Variants in LINC00632 observed in about 807,000 individuals in gnomAD.
LINC00632 encodes the protein long independently transcribed non-coding RNA 632, also known as ALDOA related specific transcript.
In LINC00632 at chrX:140,786,982, T is replaced by C. The variant is rs147587845; in HGVS notation, n.15001T>C. 1.3e-3 allele frequency among the ~76,000 whole-genome samples: 148 copies of C among 110,503 alleles called. 1 individual carries two copies. The East Asian group carries it at 0.019, about 14-fold the overall frequency. On this transcript the variant is annotated non_coding_transcript_exon_variant, in exon 5 of 5. Transcript: ENST00000648200. ...AGTAAATGTATTGGGGACTGTAAAC[T>C]AATTATTACTGGATGGGTTGCATTA...
chrX:140,784,786 C>A (rs1255201324), exon 5 of LINC00632: 4 of 159,490 alleles, frequency 2.5e-5, no homozygotes, highest in Non-Finnish European at 5.2e-5. Context: ...TCTTCCAACT[C>A]AACTATTTCT....
intron 3 of LINC00632, among the ~76,000 whole-genome samples, chrX:140,744,765 T>C (rs1445739551): frequency 9.1e-6 from 1 of 110,312 alleles, no homozygotes; most frequent in Non-Finnish European, 1.9e-5. Flanking sequence ...AGACTGGGTT[T>C]CACCATATTG....
At chrX:140,740,663 C>T (rs1931211093) in intron 3 of LINC00632, among the ~76,000 whole-genome samples, 1 of 110,625 alleles carries the variant, frequency 9.0e-6, no homozygotes, top group Non-Finnish European at 1.9e-5. Context: ...GCAAGGCCAA[C>T]TTCATGAGCA....
chrX:140,710,192 T>A (rs920657131), intron 1 of LINC00632, among the ~76,000 whole-genome samples: 9 of 112,539 alleles, frequency 8.0e-5, no homozygotes, highest in Non-Finnish European at 1.7e-4. Flanking sequence ...ACCTGGTTTA[T>A]TTTCTCAGTG....
chrX:140,734,136 C>G (rs1304857642), intron 3 of LINC00632, among the ~76,000 whole-genome samples: 1 of 112,025 alleles, frequency 8.9e-6, no homozygotes, highest in Non-Finnish European at 1.9e-5. Context: ...TTCTCTCTAA[C>G]TTTTCCCCCT....
chrX:140,715,214 C>T (rs1280762384), intron 2 of LINC00632, among the ~76,000 whole-genome samples: 2 of 111,711 alleles, frequency 1.8e-5, no homozygotes, highest in African/African-American at 6.5e-5. Context: ...CAACCCACAG[C>T]GTACAAACAC....
chrX:140,767,010 C>T (rs1931703086), intron 3 of LINC00632, among the ~76,000 whole-genome samples: 1 of 111,780 alleles, frequency 8.9e-6, no homozygotes, highest in South Asian at 3.7e-4. Flanking sequence ...TATTATCATA[C>T]ATCTTTTCTA....
intron 3 of LINC00632, among the ~76,000 whole-genome samples, chrX:140,758,964 C>CTTTTTTT (rs146312064): frequency 1.3e-5 from 1 of 78,939 alleles, no homozygotes; most frequent in Non-Finnish European, 2.4e-5. Flanking sequence ...CTTTTCTTTT[C>CTTTTTTT]TTTTTTTTTT....
intron 3 of LINC00632, among the ~76,000 whole-genome samples, chrX:140,755,850 T>G (rs1271468096): frequency 9.0e-6 from 1 of 111,086 alleles, no homozygotes; most frequent in Non-Finnish European, 1.9e-5. Context: ...TTTGCAGAGA[T>G]AGAGATATTT....
exon 5 of LINC00632, chrX:140,783,390 A>G: frequency 2.1e-6 from 1 of 465,477 alleles, no homozygotes; most frequent in Admixed American, 4.2e-5. Context: ...GTCTTCCAGC[A>G]ATTACTGGTC....
chrX:140,750,035 A>G (rs746373420), intron 3 of LINC00632, among the ~76,000 whole-genome samples: 238 of 110,841 alleles, frequency 2.1e-3, no homozygotes, highest in African/African-American at 7.5e-3. Flanking sequence ...AAGTCCATCA[A>G]TGAATGAATA....
chrX:140,790,121 T>A (rs1269161527), exon 5 of LINC00632, among the ~76,000 whole-genome samples: 2 of 111,505 alleles, frequency 1.8e-5, no homozygotes, highest in Non-Finnish European at 3.8e-5. Flanking sequence ...GCCAAAGAGA[T>A]CTTCTTGCCT....
intron 3 of LINC00632, among the ~76,000 whole-genome samples, chrX:140,768,169 A>G (rs1313730747): frequency 9.0e-6 from 1 of 111,427 alleles, no homozygotes; most frequent in Non-Finnish European, 1.9e-5. Flanking sequence ...GACTTTGGAC[A>G]TGCCACATGT....
chrX:140,748,847 TTA>T (rs1220692672), intron 3 of LINC00632, among the ~76,000 whole-genome samples: 26 of 93,111 alleles, frequency 2.8e-4, no homozygotes, highest in African/African-American at 9.4e-4. Context: ...TATATATATT[TTA>T]TATATATGAT....
intron 3 of LINC00632, among the ~76,000 whole-genome samples, chrX:140,762,242 A>AAAGAGAGAGAGAGC (rs1556027074): frequency 9.0e-5 from 9 of 99,819 alleles, no homozygotes; most frequent in African/African-American, 3.4e-4. Context: ...AGAGAGAGAG[A>AAAGAGAGAGAGAGC]GCACTCTTAT....
rs749824536 is a variant in LINC00632 at position 140,727,694 on chromosome X, A to T, written n.105-6184A>T. Among the ~76,000 whole-genome samples the T allele has an allele frequency of 3.6e-5, 4 of 112,197 alleles. No homozygotes were observed. In the Admixed American group the frequency reaches 3.8e-4, roughly 11 times the overall value. On this transcript the variant is annotated intron_variant and non_coding_transcript_variant, in intron 2 of 4. Transcript: ENST00000648200. ...AACACCTAAAGTTGCCTGAAGAGCC[A>T]GTCATGTACCAGAGTACTACACATA...
chrX:140,725,987 C>A (rs764617551), intron 2 of LINC00632, among the ~76,000 whole-genome samples: 5 of 111,454 alleles, frequency 4.5e-5, no homozygotes, highest in East Asian at 2.8e-4. Flanking sequence ...TCACAACATA[C>A]GCACATAGCC....
At chrX:140,758,866 C>T (rs1569354118) in intron 3 of LINC00632, among the ~76,000 whole-genome samples, 2 of 111,400 alleles carry the variant, frequency 1.8e-5, no homozygotes, top group Non-Finnish European at 3.8e-5. Flanking sequence ...GGTAAGCTCA[C>T]AGCCATTCTA....
chrX:140,713,217 C>T (rs1472443877), intron 2 of LINC00632, among the ~76,000 whole-genome samples: 1 of 109,747 alleles, frequency 9.1e-6, no homozygotes, highest in Non-Finnish European at 1.9e-5. Flanking sequence ...CTTTTAGCCA[C>T]TCCTTTTCTT....
Sources: gnomAD v4.1 joint callset for allele counts (sites outside exome capture counted in the v4.1 genomes callset) on GRCh38, gnomAD v4.1.1 for gene constraint, MANE v1.5 for transcripts, NCBI Gene and HGNC (gene_info 2026-07-23, HGNC 2026-07-21) for gene names.